Variants in ATF6 observed in about 807,000 individuals in gnomAD.
ATF6 encodes cyclic AMP-dependent transcription factor ATF-6 alpha.
ATF6 carries 53 observed loss-of-function variants against 83.6 expected under a neutral mutation model. The ratio of observed to expected loss-of-function variants is 0.63; its 90% confidence interval spans 0.51 to 0.80. The LOEUF (loss-of-function observed/expected upper bound fraction) is 0.80, where lower values mean the gene tolerates loss of function less well. Among genes scored for constraint, ATF6 ranks in the 30% least tolerant of loss-of-function variants. The pLI is 0.00. For synonymous variants in ATF6, 288 were observed against 285.8 expected, an observed-to-expected ratio of 1.01 and a Z score of -0.08; for missense variants, 744 against 797.9, an observed-to-expected ratio of 0.93 and a Z score of 0.81.
At chr1:161,830,923 G>A (rs1213809412) in intron 9 of ATF6, among the ~76,000 whole-genome samples, 1 of 152,162 alleles carries the variant, frequency 6.6e-6, no homozygotes, top group African/African-American at 2.4e-5. Context: ...AAAAGCAATG[G>A]CAACAAAAGC....
In ATF6 at chr1:161,916,815, T is replaced by TA. The variant is rs569759386; in HGVS notation, c.1804+4438dup. On this transcript the variant is annotated intron_variant, in intron 15 of 15. Transcript: ENST00000367942. ...ACAATGTAATGAATTTTGACAAAAG[T>TA]AAACCATTGTGAAGCCACCATTTCA... Among the ~76,000 whole-genome samples, 35 of 152,348 alleles carry TA rather than the reference T, an allele frequency of 2.3e-4. No homozygotes were observed. In the South Asian group the frequency reaches 6.4e-3, roughly 28 times the overall value.
At chr1:161,782,214 G>T (rs932278208) in intron 3 of ATF6, among the ~76,000 whole-genome samples, 1 of 152,184 alleles carries the variant, frequency 6.6e-6, no homozygotes, top group Non-Finnish European at 1.5e-5. Flanking sequence ...GTAGTGTAAT[G>T]AATGAACAGT....
intron 8 of ATF6, 144 bp from the exon 9 acceptor site, chr1:161,820,924 ATT>A (rs79406872): frequency 4.9e-3 from 1,733 of 352,152 alleles, no homozygotes; most frequent in Non-Finnish European, 6.0e-3. Flanking sequence ...CTCACCTTTG[ATT>A]TTTTTTTTTT....
intron 15 of ATF6, among the ~76,000 whole-genome samples, chr1:161,949,773 G>C (rs575950242): frequency 1.2e-4 from 19 of 152,266 alleles, no homozygotes; most frequent in African/African-American, 4.6e-4. Flanking sequence ...TCACCCCTGA[G>C]GGAGAACATT....
intron 7 of ATF6, among the ~76,000 whole-genome samples, chr1:161,814,164 G>A (rs527649106): frequency 1.2e-4 from 18 of 152,310 alleles, no homozygotes; most frequent in East Asian, 3.9e-4. Context: ...GATTACAGGC[G>A]TGAGCCACCG....
intron 15 of ATF6, among the ~76,000 whole-genome samples, chr1:161,944,218 G>A (rs1223695975): frequency 2.0e-5 from 3 of 152,186 alleles, no homozygotes; most frequent in African/African-American, 7.2e-5. Context: ...GTAGTTTGGT[G>A]TAATTTGCAC....
chr1:161,873,519 G>T (rs1687156563), intron 14 of ATF6, among the ~76,000 whole-genome samples: 1 of 151,422 alleles, frequency 6.6e-6, no homozygotes, highest in Non-Finnish European at 1.5e-5. Flanking sequence ...TGTTCATTTT[G>T]GACTCTTAAT....
At chr1:161,807,257 AAC>A (rs1685310287) in intron 7 of ATF6, among the ~76,000 whole-genome samples, 1 of 152,192 alleles carries the variant, frequency 6.6e-6, no homozygotes, top group Non-Finnish European at 1.5e-5. Flanking sequence ...AACTCAGAAA[AAC>A]AGAGACTGCC....
In ATF6 at chr1:161,959,862, T is replaced by C. The variant is rs1689059788; in HGVS notation, c.*1208T>C. On this transcript the variant is annotated 3_prime_UTR_variant, in exon 16 of 16. Transcript: ENST00000367942. ...AAGCTTTCATTTTCATTCATTCTTCTATTGAAATTATACCAAATTCAGCTG... is the reference window on the plus strand; with the variant it reads ...AAGCTTTCATTTTCATTCATTCTTCCATTGAAATTATACCAAATTCAGCTG... 6.6e-6 allele frequency: 1 copy of C among 152,190 alleles called. No homozygotes were observed. Among genetic ancestry groups the C allele is most frequent in the South Asian group, 2.1e-4 (1 of 4,834 alleles). 9.4% of individuals were successfully genotyped at this position (152,190 alleles called of 1,614,324 possible). A position where few individuals can be genotyped will look rare whatever the true frequency, so the allele number is the denominator to read the frequency against.
intron 9 of ATF6, among the ~76,000 whole-genome samples, chr1:161,834,631 G>A (rs1230395672): frequency 1.6e-5 from 2 of 124,868 alleles, no homozygotes; most frequent in Admixed American, 1.9e-4. Context: ...GTTGTGGTGT[G>A]GGGGGAGGGG....
chr1:161,877,659 A>G (rs1391694440), intron 14 of ATF6, among the ~76,000 whole-genome samples: 1 of 152,140 alleles, frequency 6.6e-6, no homozygotes, highest in Admixed American at 6.5e-5. Context: ...GCAGCAGAAT[A>G]ACACGAATGA....
At chr1:161,922,671 T>G (rs1688234796) in intron 15 of ATF6, among the ~76,000 whole-genome samples, 2 of 150,636 alleles carry the variant, frequency 1.3e-5, no homozygotes, top group African/African-American at 2.4e-5. Flanking sequence ...CTGTGAAGAG[T>G]CAAGGGGCAG....
chr1:161,803,513 A>G, intron 7 of ATF6, among the ~76,000 whole-genome samples: 1 of 152,214 alleles, frequency 6.6e-6, no homozygotes, highest in East Asian at 1.9e-4. Context: ...TTATGGCATA[A>G]TAGGCTCTAA....
chr1:161,928,363 G>A (rs186178021), intron 15 of ATF6, among the ~76,000 whole-genome samples: 210 of 152,190 alleles, frequency 1.4e-3, no homozygotes, highest in Admixed American at 2.9e-3. Context: ...ATTTAATACT[G>A]AGCACATAAT....
chr1:161,941,853 A>T (rs1273709993), intron 15 of ATF6, among the ~76,000 whole-genome samples: 1 of 152,160 alleles, frequency 6.6e-6, no homozygotes, highest in African/African-American at 2.4e-5. Flanking sequence ...TCCCCTTTGG[A>T]ACTGTTTCCA....
chr1:161,853,248 G>A lies in ATF6; in HGVS notation c.1458G>A (p.Trp486Ter), dbSNP rs1686676818. ...SLRLNHELRG[W>*]VHRHEVERTK... is the part of the protein sequence containing the mutation. ...GGTTAAATCATGAACTTCGAGGATG[G>A]GTTCATAGACATGAAGTAGAAAGGA... is the stretch of plus-strand genomic sequence containing the variant. Residue 486 changes from tryptophan (W) to a stop codon, truncating the protein, a stop_gained, in exon 12 of 16, where the codon TGG (tryptophan) becomes TGA (stop). Coordinates refer to ENST00000367942, the MANE Select transcript of ATF6 (RefSeq NM_007348.4). LOFTEE classifies it high-confidence loss of function. The A allele has an allele frequency of 6.2e-7, 1 of 1,611,622 alleles. No individual in the cohort carries two copies. Among genetic ancestry groups the A allele is most frequent in the South Asian group, 1.1e-5 (1 of 90,970 alleles).
At chr1:161,941,576 G>A (rs932382818) in intron 15 of ATF6, among the ~76,000 whole-genome samples, 3 of 152,100 alleles carry the variant, frequency 2.0e-5, no homozygotes, top group Admixed American at 6.6e-5. Flanking sequence ...GCCTTTAGCC[G>A]GGCTCCGCTC....
chr1:161,783,929 G>A, intron 3 of ATF6, 61 bp from the exon 4 acceptor site: 2 of 1,194,758 alleles, frequency 1.7e-6, no homozygotes, highest in Middle Eastern at 3.9e-4. Context: ...CTTCTTTCTT[G>A]TTCATTTTAT....
At chr1:161,893,310 G>C (rs968704609) in intron 14 of ATF6, among the ~76,000 whole-genome samples, 1 of 151,884 alleles carries the variant, frequency 6.6e-6, no homozygotes, top group African/African-American at 2.4e-5. Flanking sequence ...GGGATTACAG[G>C]CATGTGACAC....
Sources: allele counts gnomAD v4.1 joint callset (sites outside exome capture counted in the v4.1 genomes callset), GRCh38; gene constraint gnomAD v4.1.1; transcripts MANE v1.5; gene names NCBI Gene and HGNC (gene_info 2026-07-23, HGNC 2026-07-21).